Variants in RORA observed in about 807,000 individuals in gnomAD.
RORA encodes the protein RAR related orphan receptor A.
RORA carries 7 observed loss-of-function variants against 69.5 expected under a neutral mutation model. The observed-to-expected ratio is 0.10, with a 90% CI of 0.06 to 0.19. The LOEUF is 0.19. Among genes scored for constraint, RORA ranks in the 10% least tolerant of loss-of-function variants. RORA has a pLI of 1.00. For synonymous variants in RORA, 261 were observed against 240.8 expected, an observed-to-expected ratio of 1.08 and a Z score of -0.78; for missense variants, 457 against 663.0, an observed-to-expected ratio of 0.69 and a Z score of 3.41.
intron 1 of RORA, among the ~76,000 whole-genome samples, chr15:61,121,442 G>A (rs1464461008): frequency 2.0e-5 from 3 of 152,148 alleles, no homozygotes; most frequent in African/African-American, 7.2e-5. Context: ...AGAAGCTTTT[G>A]CTGCTACAGA....
intron 1 of RORA, among the ~76,000 whole-genome samples, chr15:61,162,670 G>A (rs910206517): frequency 1.3e-5 from 2 of 152,130 alleles, no homozygotes; most frequent in Non-Finnish European, 2.9e-5. Flanking sequence ...ACCAAGGTAG[G>A]AAAAGGTTAA....
intron 1 of RORA, among the ~76,000 whole-genome samples, chr15:60,925,823 G>A (rs980754918): frequency 6.6e-6 from 1 of 152,220 alleles, no homozygotes; most frequent in Admixed American, 6.5e-5. Flanking sequence ...GACAGTGCCT[G>A]TAATAATGCA....
chr15:61,053,175 C>G (rs1444077733), intron 1 of RORA, among the ~76,000 whole-genome samples: 1 of 152,158 alleles, frequency 6.6e-6, no homozygotes, highest in African/African-American at 2.4e-5. Flanking sequence ...GCTTTTCACC[C>G]AAAGTCAACA....
At chr15:60,762,303 G>C (rs1381203300) in intron 1 of RORA, among the ~76,000 whole-genome samples, 1 of 152,166 alleles carries the variant, frequency 6.6e-6, no homozygotes, top group East Asian at 1.9e-4. Flanking sequence ...ACTCTGGCTT[G>C]AATTTATTAA....
At chr15:60,854,681 T>C (rs146115517) in intron 1 of RORA, among the ~76,000 whole-genome samples, 3 of 152,228 alleles carry the variant, frequency 2.0e-5, no homozygotes, top group Admixed American at 2.0e-4. Context: ...CAAATACTTA[T>C]GATGATTATC....
intron 2 of RORA, among the ~76,000 whole-genome samples, chr15:60,590,231 A>C (rs2068460410): frequency 6.7e-6 from 1 of 148,166 alleles, no homozygotes; most frequent in Non-Finnish European, 1.5e-5. Flanking sequence ...GAAAAATTGC[A>C]TTGCCAGTAC....
At chr15:60,680,383 A>G (rs1167653704) in intron 1 of RORA, among the ~76,000 whole-genome samples, 2 of 152,214 alleles carry the variant, frequency 1.3e-5, no homozygotes, top group East Asian at 3.8e-4. Context: ...CCTGATGAAA[A>G]TACCACTGCT....
intron 1 of RORA, among the ~76,000 whole-genome samples, chr15:60,743,910 T>C (rs2071612365): frequency 6.6e-6 from 1 of 152,072 alleles, no homozygotes. Flanking sequence ...ATCAGAGTCA[T>C]GGAATGGGGA....
At chr15:60,867,674 G>C (rs1360477881) in intron 1 of RORA, among the ~76,000 whole-genome samples, 1 of 152,100 alleles carries the variant, frequency 6.6e-6, no homozygotes, top group African/African-American at 2.4e-5. Flanking sequence ...TAATTAATAT[G>C]TACTCTATAG....
At chr15:60,728,879 A>G (rs143590776) in intron 1 of RORA, among the ~76,000 whole-genome samples, 3 of 152,348 alleles carry the variant, frequency 2.0e-5, no homozygotes, top group Non-Finnish European at 4.4e-5. Flanking sequence ...GCAGATTTTT[A>G]AAAACTTTAT....
chr15:60,630,745 CCTT>C (rs375875765), intron 2 of RORA: 182 of 152,388 alleles, frequency 1.2e-3, no homozygotes, highest in African/African-American at 4.1e-3. Flanking sequence ...CTCTGTACCT[CCTT>C]AGAGATATAG....
chr15:61,222,224 T>C (rs1027063370), intron 1 of RORA, among the ~76,000 whole-genome samples: 1 of 152,180 alleles, frequency 6.6e-6, no homozygotes, highest in Non-Finnish European at 1.5e-5. Flanking sequence ...GCTCCCTAGC[T>C]GACCACCAGG....
At position 60,492,900 on chromosome 15, in the gene RORA, A is replaced by G. The variant is rs1361231930; in HGVS notation, c.*4555T>C. The G allele has an allele frequency of 6.6e-6, 1 of 152,118 alleles. No homozygotes were observed. The highest frequency in any genetic ancestry group is 2.4e-5 in the African/African-American group (1 of 41,424). The allele number at this position is 152,118 out of a possible 1,614,324, so 9.4% of individuals were successfully genotyped here. A position where few individuals can be genotyped will look rare whatever the true frequency, so the allele number is the denominator to read the frequency against. On this transcript the variant is annotated 3_prime_UTR_variant, in exon 11 of 11. Coordinates refer to ENST00000335670, the MANE Select transcript of RORA (RefSeq NM_134261.3). ...TATAGTTCACTTGTGCCTTGGAGGGATAGTATTATTATCATTATTATTAAT... is the reference window on the plus strand; with the variant it reads ...TATAGTTCACTTGTGCCTTGGAGGGGTAGTATTATTATCATTATTATTAAT...
chr15:60,991,898 C>A (rs974589222), intron 1 of RORA, among the ~76,000 whole-genome samples: 6 of 120,280 alleles, frequency 5.0e-5, no homozygotes, highest in Non-Finnish European at 1.0e-4. Context: ...AGAGCGAGAC[C>A]GTGCCTCAAA....
chr15:60,966,010 G>A (rs1893545560), intron 1 of RORA, among the ~76,000 whole-genome samples: 1 of 152,218 alleles, frequency 6.6e-6, no homozygotes, highest in Non-Finnish European at 1.5e-5. Flanking sequence ...ACATGACAGA[G>A]ATTTACTGCC....
intron 1 of RORA, among the ~76,000 whole-genome samples, chr15:61,073,563 A>G (rs2078401445): frequency 1.3e-5 from 2 of 152,170 alleles, no homozygotes; most frequent in Admixed American, 1.3e-4. Context: ...AGTTTCAGTG[A>G]TATGGGCTTA....
At chr15:60,871,091 T>G (rs2073550025) in intron 1 of RORA, among the ~76,000 whole-genome samples, 1 of 152,108 alleles carries the variant, frequency 6.6e-6, no homozygotes, top group Non-Finnish European at 1.5e-5. Flanking sequence ...CTTGAGCACA[T>G]CGGAACAAGC....
chr15:60,667,209 G>A (rs997413274), intron 2 of RORA, among the ~76,000 whole-genome samples: 1 of 152,270 alleles, frequency 6.6e-6, no homozygotes, highest in Admixed American at 6.5e-5. Flanking sequence ...TACTGTTGGT[G>A]TTCTGTTGTA....
chr15:60,830,792 T>C (rs1219301965), intron 1 of RORA, among the ~76,000 whole-genome samples: 2 of 152,186 alleles, frequency 1.3e-5, no homozygotes, highest in Non-Finnish European at 2.9e-5. Flanking sequence ...AGGCACAGAA[T>C]GTGATGAGAA....
Sources: allele counts gnomAD v4.1 joint callset (sites outside exome capture counted in the v4.1 genomes callset), GRCh38; gene constraint gnomAD v4.1.1; transcripts MANE v1.5; gene names NCBI Gene and HGNC (gene_info 2026-07-23, HGNC 2026-07-21).